The following TENM2 variants were observed in gnomAD, a reference collection of about 807,000 sequenced individuals.
TENM2 encodes the protein teneurin transmembrane protein 2, also known as teneurin-2.
In TENM2, 52 loss-of-function variants were observed where a neutral mutation model predicts 245.2. The ratio of observed to expected loss-of-function variants is 0.21; its 90% confidence interval spans 0.17 to 0.27. The LOEUF is 0.27. Ranked by LOEUF, TENM2 falls within the 10% of genes least tolerant of loss-of-function variation. The pLI is 1.00. For synonymous variants in TENM2, 1,363 were observed against 1,438.9 expected (o/e 0.95, Z 1.19); for missense variants, 3,046 against 3,666.8 (o/e 0.83, Z 4.37).
intron 10 of TENM2, among the ~76,000 whole-genome samples, chr5:168,119,530 C>T (rs1373260584): frequency 6.6e-6 from 1 of 152,170 alleles, no homozygotes; most frequent in Non-Finnish European, 1.5e-5. Flanking sequence ...CTGTATTTGG[C>T]CTTGCAGAAT....
chr5:167,826,928 G>A (rs1768015776), intron 2 of TENM2, among the ~76,000 whole-genome samples: 1 of 152,228 alleles, frequency 6.6e-6, no homozygotes, highest in Non-Finnish European at 1.5e-5. Flanking sequence ...TTTTATAATA[G>A]AATGTTTTCT....
chr5:167,716,811 T>C (rs191043834), intron 2 of TENM2, among the ~76,000 whole-genome samples: 1 of 151,896 alleles, frequency 6.6e-6, no homozygotes, highest in Non-Finnish European at 1.5e-5. Flanking sequence ...GTTTCAAGTC[T>C]TTTTTATAAC....
At chr5:168,106,826 C>G (rs1431388791) in intron 9 of TENM2, among the ~76,000 whole-genome samples, 1 of 152,154 alleles carries the variant, frequency 6.6e-6, no homozygotes, top group African/African-American at 2.4e-5. Flanking sequence ...TCTGGGAGGC[C>G]AAGACAGGCA....
intron 7 of TENM2, among the ~76,000 whole-genome samples, chr5:168,076,887 G>A (rs1036325199): frequency 2.6e-5 from 4 of 152,100 alleles, no homozygotes; most frequent in Non-Finnish European, 5.9e-5. Flanking sequence ...ACACACACAC[G>A]TGCAAATGAG....
the TENM2 span, among the ~76,000 whole-genome samples, chr5:167,017,651 T>C: frequency 1.3e-5 from 2 of 152,244 alleles, no homozygotes; most frequent in Non-Finnish European, 2.9e-5. Context: ...ACTTTTATTC[T>C]GGCTGAATTT....
At chr5:167,803,728 T>A (rs770110885) in intron 2 of TENM2, among the ~76,000 whole-genome samples, 11 of 152,254 alleles carry the variant, frequency 7.2e-5, no homozygotes, top group African/African-American at 2.6e-4. Flanking sequence ...ATTAACTTTT[T>A]TATATATATA....
rs529274402 is a variant in TENM2, at chr5:167,689,568, T to C, written c.503-186418T>C. The stretch of plus-strand genomic sequence containing the variant: ...CCGAATTCATTTATCTCTGCATGTC[T>C]TTTTAAAGAAGAAAATACAATATTT... On this transcript the variant is annotated intron_variant, in intron 2 of 28. Transcript: ENST00000518659. Among the ~76,000 whole-genome samples the C allele has an allele frequency of 7.2e-5, 11 of 152,336 alleles. No individual in the cohort carries two copies. The South Asian group carries it at 2.1e-3, about 29-fold the overall frequency.
At chr5:167,393,771 G>T (rs1761900789) in intron 2 of TENM2, among the ~76,000 whole-genome samples, 1 of 152,152 alleles carries the variant, frequency 6.6e-6, no homozygotes, top group Non-Finnish European at 1.5e-5. Context: ...GACAAGAGTA[G>T]GGAGAACAGG....
At chr5:167,748,763 C>G (rs917376905) in intron 2 of TENM2, among the ~76,000 whole-genome samples, 1 of 152,164 alleles carries the variant, frequency 6.6e-6, no homozygotes, top group Admixed American at 6.6e-5. Context: ...ATGCCAAACA[C>G]TTAAAACCAT....
intron 6 of TENM2, among the ~76,000 whole-genome samples, chr5:168,049,720 ATGT>A (rs1247768898): frequency 6.6e-6 from 1 of 152,212 alleles, no homozygotes; most frequent in South Asian, 2.1e-4. Flanking sequence ...GCTTTTGAAA[ATGT>A]TGTTGTAGAA....
intron 2 of TENM2, among the ~76,000 whole-genome samples, chr5:167,839,008 G>C (rs1458384184): frequency 6.6e-6 from 1 of 152,116 alleles, no homozygotes; most frequent in Non-Finnish European, 1.5e-5. Context: ...ATAGGAATAG[G>C]GAAATGGGTT....
intron 9 of TENM2, among the ~76,000 whole-genome samples, chr5:168,110,281 A>G (rs960138351): frequency 6.6e-6 from 1 of 152,108 alleles, no homozygotes; most frequent in African/African-American, 2.4e-5. Flanking sequence ...CAAAGTGACC[A>G]GTTGGAATAG....
the TENM2 span, among the ~76,000 whole-genome samples, chr5:167,229,336 A>G: frequency 6.6e-6 from 1 of 152,232 alleles, no homozygotes; most frequent in Non-Finnish European, 1.5e-5. Flanking sequence ...TAGCAGATCC[A>G]GGCAAACCAA....
At chr5:168,206,433 A>T (rs1057104837) in intron 19 of TENM2, among the ~76,000 whole-genome samples, 1 of 152,228 alleles carries the variant, frequency 6.6e-6, no homozygotes, top group Non-Finnish European at 1.5e-5. Context: ...GAAAACACCC[A>T]TGTGAGCATG....
exon 9 of TENM2, chr5:168,098,086 G>A: frequency 1.2e-6 from 2 of 1,613,756 alleles, no homozygotes; most frequent in Non-Finnish European, 1.7e-6. Flanking sequence ...TCCGGGGTGT[G>A]TCACTGTTTC....
At chr5:167,046,940 G>A in the TENM2 span, among the ~76,000 whole-genome samples, 2 of 151,686 alleles carry the variant, frequency 1.3e-5, no homozygotes, top group Non-Finnish European at 2.9e-5. Context: ...CCACTTAGGA[G>A]TGAGAACATG....
At chr5:167,852,432 A>T (rs1476145616) in intron 2 of TENM2, among the ~76,000 whole-genome samples, 7 of 152,210 alleles carry the variant, frequency 4.6e-5, no homozygotes, top group Non-Finnish European at 8.8e-5. Flanking sequence ...CTCATTATGG[A>T]ATCTAATCTC....
At chr5:167,973,615 A>G (rs2546930) in intron 4 of TENM2, among the ~76,000 whole-genome samples, 65,979 of 151,942 alleles carry the variant, frequency 0.43, 15,496 homozygotes, top group African/African-American at 0.61. Context: ...CTGGTCAGGG[A>G]AGCCTGGCTG....
chr5:167,348,012 G>A (rs1208694921), intron 1 of TENM2, among the ~76,000 whole-genome samples: 3 of 152,150 alleles, frequency 2.0e-5, no homozygotes, highest in Non-Finnish European at 1.5e-5. Context: ...AGAAGTGATC[G>A]CATCCAAAAT....
Sources: allele counts gnomAD v4.1 joint callset (sites outside exome capture counted in the v4.1 genomes callset), GRCh38; gene constraint gnomAD v4.1.1; transcripts MANE v1.5; gene names NCBI Gene and HGNC (gene_info 2026-07-23, HGNC 2026-07-21).